The following TENM2 variants were observed in gnomAD, a reference collection of about 807,000 sequenced individuals.
TENM2 encodes teneurin-2.
TENM2 carries 52 observed loss-of-function variants against 245.2 expected under a neutral mutation model. The ratio of observed to expected loss-of-function variants is 0.21; its 90% confidence interval spans 0.17 to 0.27. The LOEUF (loss-of-function observed/expected upper bound fraction) is 0.27. TENM2 is among the 10% of genes least tolerant of loss of function. The pLI is 1.00. For missense variants in TENM2, 3,046 were observed against 3,666.8 expected, an observed-to-expected ratio of 0.83 and a Z score of 4.37; for synonymous variants, 1,363 against 1,438.9, an observed-to-expected ratio of 0.95 and a Z score of 1.19.
intron 2 of TENM2, among the ~76,000 whole-genome samples, chr5:167,841,185 T>C (rs564386201): frequency 2.6e-5 from 4 of 152,192 alleles, no homozygotes; most frequent in African/African-American, 9.6e-5. Context: ...ATCTCCCAAG[T>C]AGCTGGGATT....
chr5:168,033,904 A>G (rs906612164), intron 5 of TENM2, among the ~76,000 whole-genome samples: 6 of 151,908 alleles, frequency 3.9e-5, no homozygotes, highest in African/African-American at 1.4e-4. Flanking sequence ...GTGGGCACCT[A>G]TAGTCCCAGC....
intron 2 of TENM2, among the ~76,000 whole-genome samples, chr5:167,549,300 C>G (rs530013406): frequency 6.6e-6 from 1 of 152,188 alleles, no homozygotes. Flanking sequence ...TACACTTGAA[C>G]TTTATAAGGC....
intron 2 of TENM2, among the ~76,000 whole-genome samples, chr5:167,659,615 C>T (rs114511985): frequency 2.3e-3 from 355 of 152,176 alleles, no homozygotes; most frequent in African/African-American, 8.2e-3. Context: ...GATATGTTTC[C>T]TCTTTCAAAT....
At chr5:167,676,839 C>T (rs1259497242) in intron 2 of TENM2, among the ~76,000 whole-genome samples, 1 of 152,056 alleles carries the variant, frequency 6.6e-6, no homozygotes, top group Non-Finnish European at 1.5e-5. Flanking sequence ...CCCTTGAAAA[C>T]GTTGTGATTA....
At chr5:167,813,703 C>G (rs891499055) in intron 2 of TENM2, among the ~76,000 whole-genome samples, 3 of 152,156 alleles carry the variant, frequency 2.0e-5, no homozygotes, top group African/African-American at 4.8e-5. Context: ...ACTGCATCCC[C>G]TACTCCCCAG....
chr5:167,265,285 T>A, the TENM2 span, among the ~76,000 whole-genome samples: 1 of 130,024 alleles, frequency 7.7e-6, no homozygotes, highest in Non-Finnish European at 1.5e-5. Flanking sequence ...TAAGCCGAGA[T>A]CATGCCACTG....
the TENM2 span, among the ~76,000 whole-genome samples, chr5:167,037,566 C>T: frequency 6.6e-6 from 1 of 152,180 alleles, no homozygotes; most frequent in African/African-American, 2.4e-5. Flanking sequence ...GACCCTCTTT[C>T]TGTTCCTTTT....
intron 5 of TENM2, among the ~76,000 whole-genome samples, chr5:168,004,772 C>T (rs1784695814): frequency 6.6e-6 from 1 of 152,202 alleles, no homozygotes; most frequent in South Asian, 2.1e-4. Context: ...CTACCCTATA[C>T]ACTGCACCTT....
intron 1 of TENM2, among the ~76,000 whole-genome samples, chr5:167,328,411 A>G (rs1757227165): frequency 6.6e-6 from 1 of 151,620 alleles, no homozygotes; most frequent in Non-Finnish European, 1.5e-5. Flanking sequence ...TTTCACCAAG[A>G]GATGGGGTTT....
chr5:167,059,869 A>G, the TENM2 span, among the ~76,000 whole-genome samples: 2 of 151,906 alleles, frequency 1.3e-5, no homozygotes, highest in Non-Finnish European at 2.9e-5. Context: ...ACACCTGGCT[A>G]ATTTTTGTAT....
At chr5:167,259,186 C>T in the TENM2 span, among the ~76,000 whole-genome samples, 34 of 152,176 alleles carry the variant, frequency 2.2e-4, no homozygotes, top group East Asian at 5.8e-3. Flanking sequence ...AAAAAATGTA[C>T]GTGTCAACAG....
At chr5:167,900,133 A>AAG (rs1294550081) in intron 3 of TENM2, among the ~76,000 whole-genome samples, 1 of 100,486 alleles carries the variant, frequency 1.0e-5, no homozygotes, top group African/African-American at 4.2e-5. Context: ...AAAAAAAAAA[A>AAG]GGGGGGGGGG....
the TENM2 span, among the ~76,000 whole-genome samples, chr5:167,014,110 G>A: frequency 1.2e-4 from 18 of 150,340 alleles, no homozygotes; most frequent in African/African-American, 4.2e-4. Flanking sequence ...ATTACTTAAC[G>A]GCATTTGCTG....
At chr5:167,134,820 G>T in the TENM2 span, among the ~76,000 whole-genome samples, 6 of 152,062 alleles carry the variant, frequency 3.9e-5, no homozygotes, top group Non-Finnish European at 5.9e-5. Flanking sequence ...AAGCATAATG[G>T]TATAACAAAT....
Position 167,362,982 on chromosome 5 carries a change from C to G in TENM2, c.227-12216C>G, listed in dbSNP as rs369547406. Among the ~76,000 whole-genome samples, 238 of 152,184 alleles carry G rather than the reference C, an allele frequency of 1.6e-3. 7 individuals are homozygous for G. In the South Asian group the frequency reaches 0.048, roughly 31 times the overall value. ...ATTTATTGCATGTGACCACAAGATG[C>G]AAGTACTATTATTCTTCCATTTTAC... On this transcript the variant is annotated intron_variant, in intron 1 of 28. Coordinates refer to ENST00000518659, the Ensembl canonical transcript of TENM2.
At chr5:166,999,287 A>T in the TENM2 span, among the ~76,000 whole-genome samples, 18 of 152,188 alleles carry the variant, frequency 1.2e-4, no homozygotes, top group African/African-American at 4.3e-4. Flanking sequence ...GGATACAAGA[A>T]GTGAAGGAAA....
intron 2 of TENM2, among the ~76,000 whole-genome samples, chr5:167,567,894 T>A (rs2127653982): frequency 6.6e-6 from 1 of 151,972 alleles, no homozygotes; most frequent in East Asian, 1.9e-4. Context: ...CAGAATTGCA[T>A]GCCCACCAAA....
At chr5:167,193,231 G>A in the TENM2 span, among the ~76,000 whole-genome samples, 1 of 152,022 alleles carries the variant, frequency 6.6e-6, no homozygotes, top group East Asian at 1.9e-4. Context: ...AGTCAGGCAA[G>A]GCAGACATCA....
chr5:167,123,492 G>A, the TENM2 span, among the ~76,000 whole-genome samples: 1 of 152,126 alleles, frequency 6.6e-6, no homozygotes, highest in East Asian at 1.9e-4. Flanking sequence ...TGATCTTAAA[G>A]GCCTATTTCA....
Sources: allele counts gnomAD v4.1 joint callset (sites outside exome capture counted in the v4.1 genomes callset), GRCh38; gene constraint gnomAD v4.1.1; transcripts MANE v1.5; gene names NCBI Gene and HGNC (gene_info 2026-07-23, HGNC 2026-07-21).